WDR49: variants seen among roughly 807,000 people sequenced by gnomAD.
The protein encoded by WDR49 is cilia- and flagella-associated protein 337.
In WDR49, 107 loss-of-function variants were observed where a neutral mutation model predicts 119.5. That is an observed-to-expected ratio of 0.90 (90% CI 0.77 to 1.05). The LOEUF (loss-of-function observed/expected upper bound fraction) is 1.05. Ranked by LOEUF, WDR49 falls within the 50% of genes least tolerant of loss-of-function variation. The pLI is 0.00. For synonymous variants in WDR49, 425 were observed against 418.8 expected, an observed-to-expected ratio of 1.01 and a Z score of -0.18; for missense variants, 1,240 against 1,220.5, an observed-to-expected ratio of 1.02 and a Z score of -0.24.
intron 15 of WDR49, among the ~76,000 whole-genome samples, chr3:167,524,645 C>T (rs1752571605): frequency 6.6e-6 from 1 of 152,090 alleles, no homozygotes; most frequent in African/African-American, 2.4e-5. Context: ...TTTCCCAGCA[C>T]CATTTATTAA....
Position 167,653,261 on chromosome 3 carries a change from C to T in WDR49, c.165G>A (p.Glu55=), listed in dbSNP as rs1301933135. 8 of 1,535,978 alleles carry T rather than the reference C, an allele frequency of 5.2e-6. No individual in the cohort carries two copies. The African/African-American group carries it at 8.2e-5, about 16-fold the overall frequency. The change falls in exon 2 of 19, where the codon GAG becomes GAA. Residue 55 remains glutamate (E), a splice_region_variant and synonymous_variant. Coordinates refer to ENST00000682715, the MANE Select transcript of WDR49 (RefSeq NM_001366157.1). ...TCTGGTCAATAAGCTTCACACTTAC[C>T]TCAAAGGCCTTCTGTATTTTTACAA... ...GDFVKIQKAF[E]SPQPRKIICM... is the part of the protein sequence containing the mutation.
At chr3:167,640,538 T>C (rs1271444971) in intron 2 of WDR49, among the ~76,000 whole-genome samples, 1 of 151,888 alleles carries the variant, frequency 6.6e-6, no homozygotes, top group African/African-American at 2.4e-5. Flanking sequence ...GCTAAACATT[T>C]CAATACATTT....
chr3:167,572,225 C>T (rs1164251298), intron 8 of WDR49, among the ~76,000 whole-genome samples: 2 of 152,182 alleles, frequency 1.3e-5, no homozygotes, highest in East Asian at 1.9e-4. Context: ...TGAGGGCAAA[C>T]TTTGCCAGGT....
intron 7 of WDR49, among the ~76,000 whole-genome samples, chr3:167,600,919 TG>T (rs1409951117): frequency 6.6e-6 from 1 of 151,946 alleles, no homozygotes; most frequent in East Asian, 1.9e-4. Flanking sequence ...GGCTAGTAGA[TG>T]GGGGGAGCTT....
chr3:167,604,211 G>A, intron 6 of WDR49, 90 bp downstream of exon 6: 2 of 1,455,996 alleles, frequency 1.4e-6, no homozygotes, highest in African/African-American at 1.4e-5. Flanking sequence ...TAGCAATACA[G>A]CAACAAGGTA....
chr3:167,575,707 T>G (rs1714210895), intron 8 of WDR49, among the ~76,000 whole-genome samples: 1 of 152,246 alleles, frequency 6.6e-6, no homozygotes, highest in Admixed American at 6.5e-5. Flanking sequence ...ACTCTATCAC[T>G]GCTCCTGTGG....
At chr3:167,489,260 C>T (rs772037306) in intron 18 of WDR49, among the ~76,000 whole-genome samples, 1 of 152,046 alleles carries the variant, frequency 6.6e-6, no homozygotes, top group Non-Finnish European at 1.5e-5. Context: ...TATATGAGCA[C>T]ATGAATGAAG....
At position 167,560,925 on chromosome 3, in the gene WDR49, C is replaced by T. The variant is rs56015543; in HGVS notation, c.1510-697G>A. ...AAATTTTATAGTGGCAAGTGGACTG[C>T]TAATTTCAGCTCAAGATATTTAAGA... On this transcript the variant is annotated intron_variant, in intron 8 of 18. Transcript: ENST00000682715. Among the ~76,000 whole-genome samples, 318 of 152,180 alleles carry T rather than the reference C, an allele frequency of 2.1e-3. 3 individuals are homozygous for T. Among genetic ancestry groups the T allele is most frequent in the African/African-American group, 7.2e-3 (300 of 41,530 alleles).
intron 7 of WDR49, among the ~76,000 whole-genome samples, chr3:167,599,993 G>A (rs775302517): frequency 9.2e-5 from 14 of 152,142 alleles, no homozygotes; most frequent in Non-Finnish European, 1.5e-4. Flanking sequence ...TTAAGGTAGC[G>A]GGTTCCCTTC....
At chr3:167,588,603 G>C (rs1714940482) in intron 7 of WDR49, among the ~76,000 whole-genome samples, 1 of 152,068 alleles carries the variant, frequency 6.6e-6, no homozygotes, top group South Asian at 2.1e-4. Flanking sequence ...GTTATTGCTT[G>C]TCTTTTGGAT....
intron 4 of WDR49, 85 bp downstream of exon 4, chr3:167,621,382 A>G: frequency 7.7e-7 from 1 of 1,304,658 alleles, no homozygotes; most frequent in Admixed American, 3.0e-5. Context: ...TTTGGAGGTC[A>G]CACTCATTGC....
chr3:167,627,533 G>A (rs1412537307), intron 2 of WDR49, among the ~76,000 whole-genome samples: 2 of 152,000 alleles, frequency 1.3e-5, no homozygotes, highest in South Asian at 2.1e-4. Flanking sequence ...TCCTTGTATC[G>A]GGAAGAGTAA....
chr3:167,600,798 G>A (rs1344815483), intron 7 of WDR49, among the ~76,000 whole-genome samples: 2 of 152,210 alleles, frequency 1.3e-5, no homozygotes, highest in Non-Finnish European at 2.9e-5. Flanking sequence ...ATTGAAGGCA[G>A]AAGGAAGAGC....
At chr3:167,550,387 T>C (rs1289862685) in intron 10 of WDR49, among the ~76,000 whole-genome samples, 3 of 152,124 alleles carry the variant, frequency 2.0e-5, no homozygotes, top group African/African-American at 7.2e-5. Flanking sequence ...TGGTTTGTAG[T>C]TCTCCTTGAA....
intron 10 of WDR49, among the ~76,000 whole-genome samples, chr3:167,541,260 T>C (rs192347671): frequency 5.3e-4 from 80 of 152,186 alleles, no homozygotes; most frequent in Admixed American, 1.8e-3. Context: ...TCAGGTTATC[T>C]AAAGTCAAAC....
At chr3:167,497,628 G>A (rs773015560) in intron 18 of WDR49, among the ~76,000 whole-genome samples, 2 of 152,110 alleles carry the variant, frequency 1.3e-5, no homozygotes, top group Non-Finnish European at 2.9e-5. Flanking sequence ...AGAGGTGTTT[G>A]CTGCTCTCAT....
intron 18 of WDR49, among the ~76,000 whole-genome samples, chr3:167,481,799 A>G (rs981049270): frequency 1.3e-4 from 18 of 142,762 alleles, no homozygotes; most frequent in Non-Finnish European, 2.2e-4. Flanking sequence ...GTTATTCACT[A>G]TCACGAGAAT....
chr3:167,535,457 G>A (rs998578610), intron 11 of WDR49, among the ~76,000 whole-genome samples: 31 of 152,076 alleles, frequency 2.0e-4, no homozygotes, highest in African/African-American at 7.2e-4. Context: ...CTCAAAAGAA[G>A]ACACACAAAT....
chr3:167,579,711 T>C (rs77187149), intron 7 of WDR49, among the ~76,000 whole-genome samples: 8,112 of 152,190 alleles, frequency 0.053, 709 homozygotes, highest in African/African-American at 0.19. Context: ...CTCCAGGAAA[T>C]GTTTATCTTA....
Sources: allele counts gnomAD v4.1 joint callset (sites outside exome capture counted in the v4.1 genomes callset), GRCh38; gene constraint gnomAD v4.1.1; transcripts MANE v1.5; gene names NCBI Gene and HGNC (gene_info 2026-07-23, HGNC 2026-07-21).